PROS1: variants seen among roughly 807,000 people sequenced by gnomAD.
The protein encoded by PROS1 is protein S.
A neutral mutation model predicts 75.9 loss-of-function variants in PROS1; 29 were observed. That is an observed-to-expected ratio of 0.38 (90% CI 0.28 to 0.52). The LOEUF (loss-of-function observed/expected upper bound fraction) is 0.52. Among genes scored for constraint, PROS1 ranks in the 20% least tolerant of loss-of-function variants. The pLI is 0.83. For missense variants in PROS1, 680 were observed against 810.3 expected (o/e 0.84, Z 1.95); for synonymous variants, 245 against 280.6 (o/e 0.87, Z 1.27).
At chr3:93,970,709 A>C (rs1432160781) in intron 1 of PROS1, among the ~76,000 whole-genome samples, 1 of 152,104 alleles carries the variant, frequency 6.6e-6, no homozygotes, top group African/African-American at 2.4e-5. Context: ...ATGTATATAT[A>C]TGTATTCTGG....
At chr3:93,943,598 C>T (rs1041639820) in intron 1 of PROS1, among the ~76,000 whole-genome samples, 6 of 152,280 alleles carry the variant, frequency 3.9e-5, no homozygotes, top group Non-Finnish European at 7.4e-5. Context: ...ATTATCTCTC[C>T]ATACCACCCC....
At chr3:93,931,586 C>T (rs1709105971) in intron 1 of PROS1, among the ~76,000 whole-genome samples, 1 of 152,260 alleles carries the variant, frequency 6.6e-6, no homozygotes. Flanking sequence ...ACTTTGGTGC[C>T]TCCATATTCT....
chr3:93,910,316 G>A (rs1487736943), intron 4 of PROS1, among the ~76,000 whole-genome samples: 1 of 152,108 alleles, frequency 6.6e-6, no homozygotes, highest in Non-Finnish European at 1.5e-5. Context: ...CACACTACAT[G>A]ATTATGCAAC....
chr3:93,964,792 G>C (rs1709762542), intron 1 of PROS1, among the ~76,000 whole-genome samples: 2 of 152,056 alleles, frequency 1.3e-5, no homozygotes, highest in African/African-American at 4.8e-5. Context: ...ACAGATACGT[G>C]GCGTCACCCC....
At chr3:93,924,332 T>C in intron 2 of PROS1, 68 bp from the exon 3 acceptor site, 1 of 943,894 alleles carries the variant, frequency 1.1e-6, no homozygotes, top group Non-Finnish European at 1.4e-6. Context: ...AAACTTAATT[T>C]TATAATGTGT....
At chr3:93,972,315 A>C (rs139578431) in intron 1 of PROS1, among the ~76,000 whole-genome samples, 239 of 152,356 alleles carry the variant, frequency 1.6e-3, no homozygotes, top group Middle Eastern at 6.8e-3. Flanking sequence ...GTAGCTGTTT[A>C]ATGTAAGATC....
chr3:93,903,186 T>C (rs1708623367), intron 6 of PROS1, among the ~76,000 whole-genome samples: 1 of 152,076 alleles, frequency 6.6e-6, no homozygotes, highest in African/African-American at 2.4e-5. Flanking sequence ...TTTTTATATA[T>C]TCTTCTATCT....
At chr3:93,914,658 T>TTTTA (rs982931834) in intron 3 of PROS1, among the ~76,000 whole-genome samples, 3 of 152,182 alleles carry the variant, frequency 2.0e-5, no homozygotes, top group East Asian at 1.9e-4. Flanking sequence ...ACCTGGCTCC[T>TTTTA]TTTATTTATT....
intron 8 of PROS1, among the ~76,000 whole-genome samples, chr3:93,897,400 T>C (rs2107156439): frequency 6.6e-6 from 1 of 152,218 alleles, no homozygotes. Flanking sequence ...CATAGCACTA[T>C]ATTAAATATA....
intron 10 of PROS1, among the ~76,000 whole-genome samples, chr3:93,888,063 G>A (rs756958827): frequency 2.0e-5 from 3 of 152,148 alleles, no homozygotes; most frequent in Non-Finnish European, 4.4e-5. Context: ...GAATATTCAT[G>A]CTTACAATCA....
At chr3:93,924,542 T>C (rs1336796072) in intron 2 of PROS1, among the ~76,000 whole-genome samples, 1 of 152,140 alleles carries the variant, frequency 6.6e-6, no homozygotes. Flanking sequence ...AATATAATCA[T>C]ACATGCCCTT....
At chr3:93,905,269 C>A (rs576685468) in intron 6 of PROS1, among the ~76,000 whole-genome samples, 2 of 152,226 alleles carry the variant, frequency 1.3e-5, no homozygotes, top group South Asian at 4.1e-4. Flanking sequence ...AGTGTGTACA[C>A]GCACATACAA....
At chr3:93,930,970 A>G (rs1709097057) in intron 1 of PROS1, among the ~76,000 whole-genome samples, 1 of 152,210 alleles carries the variant, frequency 6.6e-6, no homozygotes, top group Non-Finnish European at 1.5e-5. Flanking sequence ...CTTCTGTCCT[A>G]CAGGAAAATT....
At chr3:93,876,590 A>AG in intron 14 of PROS1, among the ~76,000 whole-genome samples, 1 of 127,338 alleles carries the variant, frequency 7.9e-6, no homozygotes, top group Non-Finnish European at 1.7e-5. Flanking sequence ...CTCCATCTCA[A>AG]AAAAAAAAAA....
At chr3:93,943,962 C>T (rs1363934751) in intron 1 of PROS1, among the ~76,000 whole-genome samples, 2 of 152,182 alleles carry the variant, frequency 1.3e-5, no homozygotes, top group Admixed American at 6.6e-5. Flanking sequence ...ACCTATCTTC[C>T]TTCACTGACT....
chr3:93,883,811 G>A (rs570153394), intron 12 of PROS1, among the ~76,000 whole-genome samples: 55 of 151,596 alleles, frequency 3.6e-4, no homozygotes, highest in Non-Finnish European at 7.1e-4. Flanking sequence ...TTAGCCGGGC[G>A]TGGTGGCGGG....
chr3:93,918,137 T>C (rs1275226525), intron 3 of PROS1, among the ~76,000 whole-genome samples: 1 of 152,238 alleles, frequency 6.6e-6, no homozygotes, highest in East Asian at 1.9e-4. Context: ...TCAAGGTTTG[T>C]AAACACACCA....
chr3:93,883,822 C>T (rs375562111), intron 12 of PROS1, among the ~76,000 whole-genome samples: 30 of 151,910 alleles, frequency 2.0e-4, no homozygotes, highest in African/African-American at 6.8e-4. Context: ...TGGTGGCGGG[C>T]GCCTGTAGTT....
Position 93,973,798 on chromosome 3 carries a change from G to A in PROS1, c.-49C>T. On this transcript the variant is annotated 5_prime_UTR_variant, in exon 1 of 15. Coordinates refer to ENST00000394236, the MANE Select transcript of PROS1 (RefSeq NM_000313.4). Reference sequence around the variant, plus strand: ...CAGGGACGGTGGCGCGTCGCGGCGGGGACCGGAGCGCTAGGCGCCGCGGAG... The same window carrying A: ...CAGGGACGGTGGCGCGTCGCGGCGGAGACCGGAGCGCTAGGCGCCGCGGAG... 6.5e-7 allele frequency: 1 copy of A among 1,526,852 alleles called. No individual in the cohort carries two copies. Among genetic ancestry groups the A allele is most frequent in the Non-Finnish European group, 8.9e-7 (1 of 1,118,990 alleles). 94.6% of individuals were successfully genotyped at this position (1,526,852 alleles called of 1,614,324 possible).
Sources: gnomAD v4.1 joint callset for allele counts (sites outside exome capture counted in the v4.1 genomes callset) on GRCh38, gnomAD v4.1.1 for gene constraint, MANE v1.5 for transcripts, NCBI Gene and HGNC (gene_info 2026-07-23, HGNC 2026-07-21) for gene names.